VRK1: variants seen among roughly 807,000 people sequenced by gnomAD.
VRK1 encodes the protein serine/threonine-protein kinase VRK1.
A neutral mutation model predicts 57.1 loss-of-function variants in VRK1; 33 were observed. The ratio of observed to expected loss-of-function variants is 0.58; its 90% CI spans 0.44 to 0.77. The LOEUF (loss-of-function observed/expected upper bound fraction) is 0.77. Ranked by LOEUF, VRK1 falls within the 30% of genes least tolerant of loss-of-function variation. The pLI is 0.00. For missense variants in VRK1, 413 were observed against 477.3 expected (o/e 0.87, Z 1.25); for synonymous variants, 137 against 147.8 (o/e 0.93, Z 0.53).
chr14:96,856,642 G>A, intron 10 of VRK1, 56 bp downstream of exon 10: 11 of 1,450,080 alleles, frequency 7.6e-6, no homozygotes, highest in South Asian at 1.2e-5. Flanking sequence ...GGATAAAAAG[G>A]CATGATATCC....
At chr14:96,805,121 G>A (rs1885819495) in intron 1 of VRK1, among the ~76,000 whole-genome samples, 1 of 152,140 alleles carries the variant, frequency 6.6e-6, no homozygotes, top group South Asian at 2.1e-4. Flanking sequence ...ATTTATCATG[G>A]CAAAGAGGAG....
At chr14:96,837,845 C>A (rs765167674) in intron 3 of VRK1, 28 bp downstream of exon 3, 23 of 1,523,510 alleles carry the variant, frequency 1.5e-5, no homozygotes, top group Non-Finnish European at 1.9e-5. Flanking sequence ...TAATTTGTTT[C>A]TTTTCTGTTG....
intron 1 of VRK1, among the ~76,000 whole-genome samples, chr14:96,800,013 G>A (rs1885596422): frequency 6.7e-6 from 1 of 150,040 alleles, no homozygotes; most frequent in Non-Finnish European, 1.5e-5. Flanking sequence ...TGTGTAGGGC[G>A]CCTTTGAAAA....
chr14:96,833,169 A>G (rs570141191), intron 1 of VRK1, among the ~76,000 whole-genome samples: 13 of 152,300 alleles, frequency 8.5e-5, no homozygotes, highest in African/African-American at 3.1e-4. Context: ...TCATAGAGCA[A>G]TTCTTTGTTG....
chr14:96,836,239 A>G (rs1487504282), intron 2 of VRK1, among the ~76,000 whole-genome samples: 1 of 152,110 alleles, frequency 6.6e-6, no homozygotes, highest in Non-Finnish European at 1.5e-5. Context: ...TAGCCTCTTA[A>G]CTGATCTGCC....
At chr14:96,850,210 T>C (rs116307797) in intron 5 of VRK1, among the ~76,000 whole-genome samples, 3,675 of 152,256 alleles carry the variant, frequency 0.024, 152 homozygotes, top group African/African-American at 0.084. Context: ...AGTAAAGAAA[T>C]AGAAAGTAGA....
chr14:96,856,412 A>C (rs781388597), intron 9 of VRK1, 116 bp from the exon 10 acceptor site: 20 of 1,350,666 alleles, frequency 1.5e-5, no homozygotes, highest in Non-Finnish European at 1.9e-5. Flanking sequence ...ATTTTAGAAA[A>C]ATGTCTGTAA....
chr14:96,875,266 A>C (rs1888980455), intron 11 of VRK1, among the ~76,000 whole-genome samples: 1 of 152,226 alleles, frequency 6.6e-6, no homozygotes, highest in South Asian at 2.1e-4. Flanking sequence ...GAAACACATA[A>C]AATGAAATTG....
intron 2 of VRK1, among the ~76,000 whole-genome samples, chr14:96,835,515 T>C (rs1376731813): frequency 6.6e-6 from 1 of 152,134 alleles, no homozygotes; most frequent in Non-Finnish European, 1.5e-5. Flanking sequence ...TCCCTGTCTT[T>C]TATCTGTAGC....
intron 3 of VRK1, 70 bp from the exon 4 acceptor site, chr14:96,846,025 T>C (rs1887670625): frequency 1.5e-6 from 2 of 1,363,040 alleles, no homozygotes; most frequent in East Asian, 4.6e-5. Flanking sequence ...TTGGTCTTTT[T>C]TGAAGGTTCA....
chr14:96,880,442 C>A (rs1448848062), intron 12 of VRK1, among the ~76,000 whole-genome samples: 5 of 152,186 alleles, frequency 3.3e-5, no homozygotes. Flanking sequence ...CTTTCACCAG[C>A]ACTAGGCAGC....
chr14:96,836,518 C>CTTTT (rs10560354), intron 2 of VRK1, among the ~76,000 whole-genome samples: 38 of 89,464 alleles, frequency 4.2e-4, no homozygotes, highest in African/African-American at 1.2e-3. Flanking sequence ...ACATCAGGGT[C>CTTTT]TTTTTTTTTT....
intron 12 of VRK1, among the ~76,000 whole-genome samples, chr14:96,878,054 A>G (rs2139850446): frequency 6.6e-6 from 1 of 152,308 alleles, no homozygotes; most frequent in South Asian, 2.1e-4. Context: ...ACCCTTATTC[A>G]TATAAACTCA....
Position 96,869,222 on chromosome 14 carries a change from C to T in VRK1, c.1069-6808C>T, listed in dbSNP as rs554831635. ...GCTTAGAGCAGTGGCAGGCACATAG[C>T]AAGTGACCAGTAAATGTTAACTGCA... On this transcript the variant is annotated intron_variant, in intron 11 of 12. Transcript: ENST00000216639. 3.9e-5 allele frequency among the ~76,000 whole-genome samples: 6 copies of T among 152,308 alleles called. No individual in the cohort carries two copies. The East Asian group carries it at 1.2e-3, about 29-fold the overall frequency.
intron 1 of VRK1, among the ~76,000 whole-genome samples, chr14:96,808,336 G>A (rs900852463): frequency 6.6e-6 from 1 of 152,096 alleles, no homozygotes; most frequent in African/African-American, 2.4e-5. Flanking sequence ...TGAAGACTTG[G>A]AAGTCATCCT....
chr14:96,826,354 T>TA (rs1005664230), intron 1 of VRK1, among the ~76,000 whole-genome samples: 6 of 152,228 alleles, frequency 3.9e-5, no homozygotes, highest in Non-Finnish European at 8.8e-5. Context: ...GTACCATAAT[T>TA]ACTCTGTTTA....
intron 1 of VRK1, among the ~76,000 whole-genome samples, chr14:96,821,847 C>T (rs1886610899): frequency 6.6e-6 from 1 of 152,204 alleles, no homozygotes; most frequent in African/African-American, 2.4e-5. Context: ...CTCAGCTGCA[C>T]CAGTCCCCTT....
intron 1 of VRK1, among the ~76,000 whole-genome samples, chr14:96,804,273 G>A (rs542021768): frequency 6.6e-6 from 1 of 152,278 alleles, no homozygotes; most frequent in East Asian, 1.9e-4. Flanking sequence ...TTGTTGAAAA[G>A]TCTACCCTTT....
At chr14:96,860,806 A>G (rs757477591) in intron 11 of VRK1, 71 bp downstream of exon 11, 2 of 1,530,448 alleles carry the variant, frequency 1.3e-6, no homozygotes, top group Non-Finnish European at 1.8e-6. Context: ...AAAAGAAAGT[A>G]TAGCAGTAGT....
Sources: allele counts gnomAD v4.1 joint callset (sites outside exome capture counted in the v4.1 genomes callset), GRCh38; gene constraint gnomAD v4.1.1; transcripts MANE v1.5; gene names NCBI Gene and HGNC (gene_info 2026-07-23, HGNC 2026-07-21).